ST6GALNAC3: variants seen among roughly 807,000 people sequenced by gnomAD.
The protein encoded by ST6GALNAC3 is alpha-N-acetylgalactosaminide alpha-2,6-sialyltransferase 3.
A neutral mutation model predicts 32.7 loss-of-function variants in ST6GALNAC3; 25 were observed. The ratio of observed to expected loss-of-function variants is 0.76; its 90% CI spans 0.56 to 1.07. ST6GALNAC3 has a LOEUF of 1.07. Among genes scored for constraint, ST6GALNAC3 ranks in the 50% least tolerant of loss-of-function variants. The probability of loss-of-function intolerance (pLI) is 0.00; values close to 1 mark genes in which losing one functional copy is unlikely to be tolerated. For synonymous variants in ST6GALNAC3, 129 were observed against 133.1 expected (o/e 0.97, Z 0.21); for missense variants, 355 against 382.4 (o/e 0.93, Z 0.60).
intron 3 of ST6GALNAC3, among the ~76,000 whole-genome samples, chr1:76,518,772 A>G (rs12728129): frequency 0.11 from 16,064 of 152,176 alleles, 1,027 homozygotes; most frequent in East Asian, 0.22. Context: ...TGCCCTTTAA[A>G]GTGTCATTTA....
intron 1 of ST6GALNAC3, among the ~76,000 whole-genome samples, chr1:76,167,716 A>C (rs1227987665): frequency 6.6e-6 from 1 of 152,004 alleles, no homozygotes; most frequent in Non-Finnish European, 1.5e-5. Flanking sequence ...CAGTCTTGGG[A>C]GGGTGTATAT....
intron 1 of ST6GALNAC3, among the ~76,000 whole-genome samples, chr1:76,212,313 T>G (rs2100577367): frequency 6.6e-6 from 1 of 152,320 alleles, no homozygotes; most frequent in African/African-American, 2.4e-5. Flanking sequence ...CCAGACAATC[T>G]CATTTTGTTA....
At chr1:76,422,125 A>G (rs1038763213) in intron 3 of ST6GALNAC3, among the ~76,000 whole-genome samples, 1 of 151,950 alleles carries the variant, frequency 6.6e-6, no homozygotes, top group African/African-American at 2.4e-5. Context: ...GCCAAGGATC[A>G]TTGTTTTGTT....
chr1:76,191,037 C>T (rs952421936), intron 1 of ST6GALNAC3, among the ~76,000 whole-genome samples: 6 of 152,140 alleles, frequency 3.9e-5, no homozygotes, highest in African/African-American at 2.4e-5. Flanking sequence ...TTACCATGAT[C>T]CTCAGATAAT....
chr1:76,413,693 G>C (rs1654426225), intron 3 of ST6GALNAC3, among the ~76,000 whole-genome samples: 1 of 152,122 alleles, frequency 6.6e-6, no homozygotes, highest in Non-Finnish European at 1.5e-5. Flanking sequence ...TCCTCGGACT[G>C]TATGAGTTAG....
At chr1:76,424,801 G>A (rs1655258608) in intron 3 of ST6GALNAC3, among the ~76,000 whole-genome samples, 1 of 151,840 alleles carries the variant, frequency 6.6e-6, no homozygotes, top group Admixed American at 6.6e-5. Flanking sequence ...GCAAGTTTGG[G>A]CAAATCAGTG....
At chr1:76,353,255 C>G (rs1436813698) in intron 2 of ST6GALNAC3, among the ~76,000 whole-genome samples, 1 of 152,132 alleles carries the variant, frequency 6.6e-6, no homozygotes, top group Non-Finnish European at 1.5e-5. Flanking sequence ...CTTGCTGTTT[C>G]CTCTCCCTGT....
chr1:76,141,025 A>T (rs1011345734), intron 1 of ST6GALNAC3, among the ~76,000 whole-genome samples: 4 of 151,884 alleles, frequency 2.6e-5, no homozygotes, highest in Admixed American at 2.6e-4. Context: ...GTTGATTTGG[A>T]TGAAAGACGG....
intron 1 of ST6GALNAC3, among the ~76,000 whole-genome samples, chr1:76,172,141 C>T (rs1208354199): frequency 2.0e-5 from 3 of 152,086 alleles, no homozygotes; most frequent in Non-Finnish European, 2.9e-5. Flanking sequence ...TTATCCACCA[C>T]GATCAAGTTG....
intron 3 of ST6GALNAC3, among the ~76,000 whole-genome samples, chr1:76,565,683 C>T (rs2100457379): frequency 6.6e-6 from 1 of 152,328 alleles, no homozygotes; most frequent in African/African-American, 2.4e-5. Flanking sequence ...TGATTCGTTT[C>T]ATTTCTAACA....
At chr1:76,451,996 A>G (rs1019628446) in intron 3 of ST6GALNAC3, among the ~76,000 whole-genome samples, 62 of 152,200 alleles carry the variant, frequency 4.1e-4, no homozygotes, top group African/African-American at 1.4e-3. Flanking sequence ...GTCTTGTTAC[A>G]CTTTTCAAGG....
chr1:76,459,541 G>A (rs1037853543), intron 3 of ST6GALNAC3, among the ~76,000 whole-genome samples: 3 of 150,930 alleles, frequency 2.0e-5, no homozygotes, highest in African/African-American at 7.3e-5. Context: ...TCCAGCCTGG[G>A]CGACAGAGCA....
intron 1 of ST6GALNAC3, among the ~76,000 whole-genome samples, chr1:76,113,595 A>G (rs1648248467): frequency 6.6e-6 from 1 of 151,688 alleles, no homozygotes; most frequent in Non-Finnish European, 1.5e-5. Flanking sequence ...TACCTCTAAG[A>G]TGATGTAATG....
chr1:76,225,082 C>CT (rs969940248), intron 1 of ST6GALNAC3, among the ~76,000 whole-genome samples: 131 of 149,160 alleles, frequency 8.8e-4, no homozygotes, highest in South Asian at 1.1e-3. Context: ...TGAAGCCCTC[C>CT]TTTTTTTTTT....
At chr1:76,137,290 AC>A (rs1650004793) in intron 1 of ST6GALNAC3, among the ~76,000 whole-genome samples, 1 of 152,320 alleles carries the variant, frequency 6.6e-6, no homozygotes, top group Admixed American at 6.5e-5. Flanking sequence ...GATTTTCAGC[AC>A]CCTCAGCTGT....
In ST6GALNAC3 at chr1:76,327,860, GA is replaced by G. The variant is rs1318026701; in HGVS notation, c.213+13862del. 2.6e-5 allele frequency among the ~76,000 whole-genome samples: 4 copies of G among 152,288 alleles called. No individual in the cohort carries two copies. In the East Asian group the frequency reaches 7.7e-4, roughly 29 times the overall value. ...ACTCTTCAGCCTCTCAAAGTGTTGGGATTACAGGCGTGAACCCCCATGCCTG... is the reference window on the plus strand; with the variant it reads ...ACTCTTCAGCCTCTCAAAGTGTTGGGTTACAGGCGTGAACCCCCATGCCTG... On this transcript the variant is annotated intron_variant, in intron 2 of 4. Coordinates refer to ENST00000328299, the MANE Select transcript of ST6GALNAC3 (RefSeq NM_152996.4).
Position 76,510,598 on chromosome 1 carries a change from T to A in ST6GALNAC3, c.623+98181T>A, listed in dbSNP as rs181728110. ...GTTATATGGTGTTTCCTCTAGGCTA[T>A]GCACTATCTCAGATCTGTACACAGA... On this transcript the variant is annotated intron_variant, in intron 3 of 4. Coordinates refer to ENST00000328299, the MANE Select transcript of ST6GALNAC3 (RefSeq NM_152996.4). 4.3e-4 allele frequency among the ~76,000 whole-genome samples: 65 copies of A among 152,330 alleles called. 1 individual carries two copies. The highest frequency in any genetic ancestry group is 1.5e-3 in the African/African-American group (63 of 41,580).
At chr1:76,207,843 T>C (rs1459703098) in intron 1 of ST6GALNAC3, among the ~76,000 whole-genome samples, 5 of 152,252 alleles carry the variant, frequency 3.3e-5, no homozygotes, top group Non-Finnish European at 7.3e-5. Context: ...TTGATTCCCA[T>C]AGTCCATATT....
intron 3 of ST6GALNAC3, among the ~76,000 whole-genome samples, chr1:76,519,723 T>A (rs1478889180): frequency 6.6e-6 from 1 of 151,714 alleles, no homozygotes; most frequent in Non-Finnish European, 1.5e-5. Context: ...GAATCCCTCA[T>A]TTTAATCTTC....
Sources: gnomAD v4.1 joint callset for allele counts (sites outside exome capture counted in the v4.1 genomes callset) on GRCh38, gnomAD v4.1.1 for gene constraint, MANE v1.5 for transcripts, NCBI Gene and HGNC (gene_info 2026-07-23, HGNC 2026-07-21) for gene names.